TXNRD1: variants seen among roughly 807,000 people sequenced by gnomAD.
TXNRD1 encodes the protein thioredoxin reductase 1.
In TXNRD1, 57 loss-of-function variants were observed where a neutral mutation model predicts 80.3. That is an observed-to-expected ratio of 0.71 (90% CI 0.57 to 0.89). The LOEUF is 0.89. TXNRD1 is among the 40% of genes least tolerant of loss of function. The pLI, the probability that TXNRD1 is intolerant of heterozygous loss-of-function variation, is 0.00. For missense variants in TXNRD1, 730 were observed against 803.0 expected, an observed-to-expected ratio of 0.91 and a Z score of 1.10; for synonymous variants, 291 against 285.2, an observed-to-expected ratio of 1.02 and a Z score of -0.20.
intron 13 of TXNRD1, among the ~76,000 whole-genome samples, chr12:104,329,190 C>T (rs929363829): frequency 1.6e-4 from 24 of 151,930 alleles, no homozygotes; most frequent in Admixed American, 3.3e-4. Flanking sequence ...ATAAATTTAA[C>T]AAGACTACCT....
At chr12:104,334,790 G>T (rs1046860474) in intron 15 of TXNRD1, among the ~76,000 whole-genome samples, 6 of 152,150 alleles carry the variant, frequency 3.9e-5, no homozygotes, top group African/African-American at 1.4e-4. Context: ...TGGCTGCACT[G>T]CCTGCTGCCC....
chr12:104,237,872 G>T (rs940886630), intron 1 of TXNRD1, among the ~76,000 whole-genome samples: 1 of 152,084 alleles, frequency 6.6e-6, no homozygotes, highest in African/African-American at 2.4e-5. Context: ...TTAGCTGGGT[G>T]TGGTGGCGCA....
chr12:104,303,991 G>C, intron 4 of TXNRD1: 1 of 1,608,992 alleles, frequency 6.2e-7, no homozygotes, highest in Non-Finnish European at 8.5e-7. Flanking sequence ...TCAGCTCTGG[G>C]GAGGCCGACG....
intron 4 of TXNRD1, among the ~76,000 whole-genome samples, chr12:104,297,156 T>C (rs1167923948): frequency 6.6e-6 from 1 of 151,442 alleles, no homozygotes; most frequent in African/African-American, 2.4e-5. Flanking sequence ...ATACAAAAAA[T>C]TAGCCGGGTG....
intron 7 of TXNRD1, among the ~76,000 whole-genome samples, chr12:104,317,547 CA>C (rs2035374883): frequency 6.6e-6 from 1 of 152,128 alleles, no homozygotes. Context: ...AGCCTATTTT[CA>C]AAACTTACTG....
chr12:104,294,582 A>G (rs1461646465), intron 4 of TXNRD1, among the ~76,000 whole-genome samples: 1 of 152,194 alleles, frequency 6.6e-6, no homozygotes, highest in Non-Finnish European at 1.5e-5. Context: ...TCTAAGATCT[A>G]TATCTGGTAT....
At chr12:104,311,576 T>C (rs1472552813) in intron 5 of TXNRD1, among the ~76,000 whole-genome samples, 164 bp downstream of exon 5, 1 of 152,260 alleles carries the variant, frequency 6.6e-6, no homozygotes, top group East Asian at 1.9e-4. Context: ...GGGACCACTT[T>C]ATAAATCATT....
Position 104,280,123 on chromosome 12 carries a change from GTTGTT to G in TXNRD1, c.305-8790_305-8786del, listed in dbSNP as rs766777691. Among the ~76,000 whole-genome samples the G allele has an allele frequency of 1.1e-4, 16 of 140,464 alleles. No individual in the cohort carries two copies. In the East Asian group the frequency reaches 1.8e-3, roughly 16 times the overall value. 92.1% of individuals were successfully genotyped at this position (140,464 alleles called of 152,430 possible). A position where few individuals can be genotyped will look rare whatever the true frequency, so the allele number is the denominator to read the frequency against. On this transcript the variant is annotated intron_variant, in intron 3 of 16. Coordinates refer to ENST00000525566, the MANE Select transcript of TXNRD1 (RefSeq NM_001093771.3). ...ATCCCTCTTTAGCTCCTTTCCTATTGTTGTTTTGTTTTGTTTTGTTTTTATAGCAA... is the reference window on the plus strand; with the variant it reads ...ATCCCTCTTTAGCTCCTTTCCTATTGTTGTTTTGTTTTGTTTTTATAGCAA...
chr12:104,238,720 G>A (rs563828490), intron 1 of TXNRD1, among the ~76,000 whole-genome samples: 12 of 152,252 alleles, frequency 7.9e-5, no homozygotes, highest in African/African-American at 2.4e-4. Flanking sequence ...CCTGTGCAAG[G>A]TTTATCCTGG....
In TXNRD1 at chr12:104,348,498, T is replaced by G; in HGVS notation, c.*77T>G. The G allele has an allele frequency of 6.8e-7, 1 of 1,464,902 alleles. No individual in the cohort carries two copies. Among genetic ancestry groups the G allele is most frequent in the Non-Finnish European group, 9.5e-7 (1 of 1,048,116 alleles). 90.7% of individuals were successfully genotyped at this position (1,464,902 alleles called of 1,614,324 possible). ...TGCCCAAATCCAAGGCGAAGTTTTC[T>G]AGAGGGTTCTTGGGCTCTTGGCACC... On this transcript the variant is annotated 3_prime_UTR_variant, in exon 17 of 17. Transcript: ENST00000525566.
intron 4 of TXNRD1, chr12:104,304,198 C>T: frequency 4.3e-6 from 7 of 1,614,018 alleles, no homozygotes; most frequent in Non-Finnish European, 5.9e-6. Flanking sequence ...AAGCAGCCCT[C>T]GACGCCCGGT....
chr12:104,319,279 A>G (rs1565900138), intron 8 of TXNRD1, among the ~76,000 whole-genome samples, 191 bp from the exon 9 acceptor site: 1 of 152,216 alleles, frequency 6.6e-6, no homozygotes, highest in African/African-American at 2.4e-5. Context: ...GCTTGGCTCC[A>G]GCACTTACTA....
At chr12:104,286,618 G>A (rs2033976441) in intron 3 of TXNRD1, 1 of 629,484 alleles carries the variant, frequency 1.6e-6, no homozygotes, top group African/African-American at 2.0e-5. Flanking sequence ...CAGAGGCCCA[G>A]GTCACACTCC....
intron 1 of TXNRD1, among the ~76,000 whole-genome samples, chr12:104,245,648 CAAAAAA>C (rs149083903): frequency 4.6e-5 from 5 of 108,892 alleles, no homozygotes; most frequent in Non-Finnish European, 3.7e-5. Context: ...GACCCTGTCT[CAAAAAA>C]AAAAAAAAAA....
At chr12:104,299,638 G>A (rs915107319) in intron 4 of TXNRD1, among the ~76,000 whole-genome samples, 10 of 151,648 alleles carry the variant, frequency 6.6e-5, no homozygotes, top group Admixed American at 6.6e-4. Flanking sequence ...GTGGTGACTC[G>A]TGCCTGTAAT....
At chr12:104,222,871 A>C (rs886678236) in intron 1 of TXNRD1, among the ~76,000 whole-genome samples, 1 of 152,140 alleles carries the variant, frequency 6.6e-6, no homozygotes, top group Non-Finnish European at 1.5e-5. Flanking sequence ...CAAACAAACA[A>C]AACTAACTTT....
At chr12:104,260,313 C>G (rs1258163209) in intron 3 of TXNRD1, among the ~76,000 whole-genome samples, 1 of 151,798 alleles carries the variant, frequency 6.6e-6, no homozygotes, top group African/African-American at 2.4e-5. Context: ...ACTAAAAATA[C>G]AAAATTAGCC....
At chr12:104,320,947 A>G in intron 9 of TXNRD1, 144 bp from the exon 10 acceptor site, 2 of 652,762 alleles carry the variant, frequency 3.1e-6, no homozygotes, top group South Asian at 2.0e-5. Context: ...AAAACTTCTC[A>G]TGTATTATGT....
At chr12:104,346,910 C>T (rs1315638513) in intron 16 of TXNRD1, among the ~76,000 whole-genome samples, 3 of 152,112 alleles carry the variant, frequency 2.0e-5, no homozygotes, top group Non-Finnish European at 4.4e-5. Context: ...GCCTGGTCAA[C>T]GTGGTGAAAC....
Sources: gnomAD v4.1 joint callset for allele counts (sites outside exome capture counted in the v4.1 genomes callset) on GRCh38, gnomAD v4.1.1 for gene constraint, MANE v1.5 for transcripts, NCBI Gene and HGNC (gene_info 2026-07-23, HGNC 2026-07-21) for gene names.